The following EIF4E3 variants were observed in gnomAD, a reference collection of about 807,000 sequenced individuals.
EIF4E3 encodes eukaryotic translation initiation factor 4E type 3.
EIF4E3 carries 26 observed loss-of-function variants against 31.7 expected under a neutral mutation model. The observed-to-expected ratio is 0.82, with a 90% CI of 0.60 to 1.14. EIF4E3 has a LOEUF of 1.14. EIF4E3 is among the 50% of genes most tolerant of loss of function. The probability of loss-of-function intolerance (pLI) is 0.00; values close to 1 mark genes in which losing one functional copy is unlikely to be tolerated. For missense variants in EIF4E3, 304 were observed against 270.9 expected (o/e 1.12, Z -0.86); for synonymous variants, 128 against 107.7 (o/e 1.19, Z -1.17).
chr3:71,748,229 A>C lies in EIF4E3; in HGVS notation c.-291+5234T>G, dbSNP rs531301827. Among the ~76,000 whole-genome samples the C allele has an allele frequency of 2.6e-5, 4 of 152,184 alleles. No homozygotes were observed. In the South Asian group the frequency reaches 8.3e-4, roughly 32 times the overall value. The stretch of plus-strand genomic sequence containing the variant: ...GTGATTTTTTTTTTCAATCAAAACA[A>C]GATGGTAAATACAGTATTTGAGAGA... On this transcript the variant is annotated intron_variant, in intron 1 of 7. Transcript: ENST00000295612.
chr3:71,754,236 G>T (rs1315958033), upstream of EIF4E3: 1 of 1,320,522 alleles, frequency 7.6e-7, no homozygotes, highest in South Asian at 1.7e-5. This position sits in a 1 kb window ranked among gnomAD's most constrained non-coding sequence, Gnocchi z 5.8. Context: ...CCTGTGCCTG[G>T]CCGACGGGCT....
At position 71,744,574 on chromosome 3, in the gene EIF4E3, G is replaced by A. The variant is rs148507612; in HGVS notation, c.-291+8889C>T. On this transcript the variant is annotated intron_variant, in intron 1 of 7. Coordinates refer to the EIF4E3 transcript ENST00000295612. ...AGCCTGATCAACATGGTGAAACCCC[G>A]TCTCTATGAAAAGTACAAAAATTAG... Among the ~76,000 whole-genome samples the A allele has an allele frequency of 7.1e-3, 1,083 of 152,172 alleles. 6 individuals are homozygous for A. Among genetic ancestry groups the A allele is most frequent in the Non-Finnish European group, 0.011 (770 of 68,006 alleles).
At chr3:71,735,987 T>C (rs1300139882) in intron 1 of EIF4E3, among the ~76,000 whole-genome samples, 1 of 152,148 alleles carries the variant, frequency 6.6e-6, no homozygotes, top group Admixed American at 6.5e-5. Context: ...GATTTTAAAA[T>C]TGGACAAAAG....
At chr3:71,672,682 CT>C (rs1343398942), downstream of EIF4E3, among the ~76,000 whole-genome samples, 1 of 152,188 alleles carries the variant, frequency 6.6e-6, no homozygotes, top group East Asian at 1.9e-4. Flanking sequence ...GAAGGATGAA[CT>C]TGGGCTGCAA....
At chr3:71,715,270 T>C (rs1376288296) in intron 1 of EIF4E3, among the ~76,000 whole-genome samples, 1 of 152,228 alleles carries the variant, frequency 6.6e-6, no homozygotes, top group Non-Finnish European at 1.5e-5. Context: ...CCTGGCAATG[T>C]TTAACAAATA....
In EIF4E3 at chr3:71,732,404, T is replaced by TAA. The variant is rs35306675; in HGVS notation, c.-290-3783_-290-3782dup. Among the ~76,000 whole-genome samples, 7 of 148,396 alleles carry TAA rather than the reference T, an allele frequency of 4.7e-5. No individual in the cohort carries two copies. The East Asian group carries it at 9.8e-4, about 21-fold the overall frequency. The stretch of plus-strand genomic sequence containing the variant: ...TTAAAAAAAAATCTCTTCCCTGATT[T>TAA]AAAAAAAAAAAGTCCCAACGATGTC... On this transcript the variant is annotated intron_variant, in intron 1 of 7. Transcript: ENST00000295612.
At chr3:71,673,212 T>C (rs1332365195), downstream of EIF4E3, among the ~76,000 whole-genome samples, 5 of 152,226 alleles carry the variant, frequency 3.3e-5, no homozygotes, top group South Asian at 4.1e-4. Context: ...AGATGCTATA[T>C]ATGCTTTATA....
chr3:71,666,322 T>C, the EIF4E3 span, among the ~76,000 whole-genome samples: 1 of 152,094 alleles, frequency 6.6e-6, no homozygotes, highest in Non-Finnish European at 1.5e-5. Flanking sequence ...AACACCTCTA[T>C]GCAAATAAAC....
chr3:71,744,087 A>G (rs62248061), intron 1 of EIF4E3, among the ~76,000 whole-genome samples: 26,511 of 152,024 alleles, frequency 0.17, 2,389 homozygotes, highest in East Asian at 0.32. Flanking sequence ...AAATAATTCA[A>G]ATTGATAAAC....
intron 6 of EIF4E3, among the ~76,000 whole-genome samples, chr3:71,688,116 T>C (rs2049017640): frequency 6.6e-6 from 1 of 152,230 alleles, no homozygotes; most frequent in South Asian, 2.1e-4. Flanking sequence ...CTTCCTCAGT[T>C]CTGTATTACA....
At chr3:71,662,931 G>C in the EIF4E3 span, among the ~76,000 whole-genome samples, 1 of 152,162 alleles carries the variant, frequency 6.6e-6, no homozygotes, top group East Asian at 1.9e-4. Flanking sequence ...GAGTGCAGTA[G>C]CCTGATCTTC....
At chr3:71,748,761 G>T (rs2049898033) in intron 1 of EIF4E3, among the ~76,000 whole-genome samples, 1 of 152,072 alleles carries the variant, frequency 6.6e-6, no homozygotes, top group African/African-American at 2.4e-5. Context: ...TTAGGCACCT[G>T]CCTGAAATTA....
At chr3:71,662,102 G>A in the EIF4E3 span, among the ~76,000 whole-genome samples, 2 of 152,152 alleles carry the variant, frequency 1.3e-5, no homozygotes, top group African/African-American at 4.8e-5. Flanking sequence ...TTAATTTCTT[G>A]TTTCCATTTT....
intron 2 of EIF4E3, among the ~76,000 whole-genome samples, chr3:71,704,009 G>A (rs779530953): frequency 2.0e-5 from 3 of 152,228 alleles, no homozygotes; most frequent in African/African-American, 4.8e-5. Context: ...GGCAACTGAA[G>A]AGTTTAATGG....
chr3:71,681,614 T>A lies in EIF4E3; in HGVS notation c.*3068A>T, dbSNP rs1307165168. 3 of 152,204 alleles carry A rather than the reference T, an allele frequency of 2.0e-5. No individual in the cohort carries two copies. The highest frequency in any genetic ancestry group is 4.4e-5 in the Non-Finnish European group (3 of 68,072). 9.4% of individuals were successfully genotyped at this position (152,204 alleles called of 1,614,324 possible). A position where few individuals can be genotyped will look rare whatever the true frequency, so the allele number is the denominator to read the frequency against. ...CAGGTTAAGGCTGGCAGATTCTGAG[T>A]ACTCTCCATTTAAGGACGCCTGCAC... On this transcript the variant is annotated 3_prime_UTR_variant, in exon 7 of 7. Transcript: ENST00000425534.
Position 71,712,697 on chromosome 3 carries a change from A to G in EIF4E3, c.177-2213T>C, listed in dbSNP as rs1559601694. On this transcript the variant is annotated intron_variant, in intron 1 of 6. Coordinates refer to ENST00000425534, the MANE Select transcript of EIF4E3 (RefSeq NM_001134651.2). ...ATACTTTGCATTCTTTTTTCATTCA[A>G]AAAACTGTATTTCAAAAAAATTTTT... 2.6e-5 allele frequency among the ~76,000 whole-genome samples: 4 copies of G among 152,142 alleles called. No homozygotes were observed. The South Asian group carries it at 8.3e-4, about 32-fold the overall frequency.
chr3:71,693,629 T>C (rs1027230547), intron 5 of EIF4E3, among the ~76,000 whole-genome samples: 1 of 152,130 alleles, frequency 6.6e-6, no homozygotes, highest in Non-Finnish European at 1.5e-5. Flanking sequence ...GAGGGAAAAA[T>C]ATACATGAAT....
chr3:71,682,060 C>T lies in EIF4E3; in HGVS notation c.*2622G>A, dbSNP rs1418414085. Reference sequence around the variant, plus strand: ...AAGTCAGCAGTTCAGCAAGTGCTTACGAAAGACAGTCAAAATATAGGCAAG... The same window carrying T: ...AAGTCAGCAGTTCAGCAAGTGCTTATGAAAGACAGTCAAAATATAGGCAAG... On this transcript the variant is annotated 3_prime_UTR_variant, in exon 7 of 7. Coordinates refer to ENST00000425534, the MANE Select transcript of EIF4E3 (RefSeq NM_001134651.2). 3 of 152,086 alleles carry T rather than the reference C, an allele frequency of 2.0e-5. No homozygotes were observed. The highest frequency in any genetic ancestry group is 3.2e-3 in the Middle Eastern group (1 of 316). 9.4% of individuals were successfully genotyped at this position (152,086 alleles called of 1,614,324 possible).
intron 1 of EIF4E3, among the ~76,000 whole-genome samples, chr3:71,714,679 A>G (rs1056607216): frequency 3.9e-5 from 6 of 152,214 alleles, no homozygotes; most frequent in African/African-American, 1.4e-4. Context: ...ATTTCAAAAG[A>G]GCAAATAACC....
Sources: gnomAD v4.1 joint callset for allele counts (sites outside exome capture counted in the v4.1 genomes callset) on GRCh38, gnomAD v4.1.1 for gene constraint, Gnocchi (gnomAD v3.1) non-coding constraint, MANE v1.5 for transcripts, NCBI Gene and HGNC (gene_info 2026-07-23, HGNC 2026-07-21) for gene names.